PLCL2: variants seen among roughly 807,000 people sequenced by gnomAD.
The protein encoded by PLCL2 is phospholipase C like 2, also known as inactive phospholipase C-like protein 2.
PLCL2 carries 4 observed loss-of-function variants against 79.6 expected under a neutral mutation model. The observed-to-expected ratio is 0.05, with a 90% CI of 0.02 to 0.11. The LOEUF (loss-of-function observed/expected upper bound fraction) is 0.11, where lower values mean the gene tolerates loss of function less well. PLCL2 is among the 10% of genes least tolerant of loss of function. PLCL2 has a pLI of 1.00. For missense variants in PLCL2, 895 were observed against 1,291.0 expected (o/e 0.69, Z 4.70); for synonymous variants, 484 against 457.7 (o/e 1.06, Z -0.73).
chr3:16,970,601 G>A (rs1200616728), intron 1 of PLCL2, among the ~76,000 whole-genome samples: 1 of 148,898 alleles, frequency 6.7e-6, no homozygotes, highest in African/African-American at 2.5e-5. Flanking sequence ...TGGGTCAAAT[G>A]GTATTTCTAG....
intron 1 of PLCL2, among the ~76,000 whole-genome samples, chr3:16,939,893 G>C (rs73037014): frequency 1.3e-5 from 2 of 152,132 alleles, no homozygotes; most frequent in East Asian, 3.9e-4. Context: ...TTTCCTTCCG[G>C]GCATTGGGGG....
At chr3:16,943,579 A>G (rs1012387222) in intron 1 of PLCL2, among the ~76,000 whole-genome samples, 2 of 152,206 alleles carry the variant, frequency 1.3e-5, no homozygotes, top group South Asian at 2.1e-4. Context: ...AAAATTACCT[A>G]CTTTCTTATG....
At position 16,885,066 on chromosome 3, in the gene PLCL2, C is replaced by G; in HGVS notation, c.27C>G (p.Ala9=). Residue 9 remains alanine (A), a synonymous_variant, in exon 1 of 6, where the codon GCC becomes GCG. Coordinates refer to ENST00000615277, the MANE Select transcript of PLCL2 (RefSeq NM_001144382.2). MAECGRGG[A]AGGALPTSPG... is the part of the protein sequence containing the mutation. The stretch of plus-strand genomic sequence containing the variant: ...TGGCGGAGTGCGGCCGGGGGGGCGC[C>G]GCCGGCGGGGCCCTGCCCACCTCCC... 7.9e-6 allele frequency: 3 copies of G among 379,712 alleles called. No individual in the cohort carries two copies. Among genetic ancestry groups the G allele is most frequent in the Non-Finnish European group, 1.4e-5 (3 of 214,376 alleles). The allele number at this position is 379,712 out of a possible 1,614,324, so 23.5% of individuals were successfully genotyped here.
intron 3 of PLCL2, among the ~76,000 whole-genome samples, chr3:17,019,476 T>A (rs2064423921): frequency 6.6e-6 from 1 of 152,186 alleles, no homozygotes; most frequent in Non-Finnish European, 1.5e-5. Flanking sequence ...CTGTCCAATT[T>A]TTTTCTGCAA....
intron 1 of PLCL2, among the ~76,000 whole-genome samples, chr3:16,942,440 G>T (rs1213532383): frequency 6.6e-6 from 1 of 152,116 alleles, no homozygotes; most frequent in Non-Finnish European, 1.5e-5. Context: ...CTGCTGGCAG[G>T]CTAGAAAACA....
intron 4 of PLCL2, among the ~76,000 whole-genome samples, chr3:17,059,365 C>T (rs547642175): frequency 2.6e-4 from 31 of 121,228 alleles, no homozygotes; most frequent in African/African-American, 7.7e-4. Flanking sequence ...GGTGACAGAG[C>T]GAGAATCTGT....
intron 1 of PLCL2, among the ~76,000 whole-genome samples, chr3:16,964,776 A>G (rs375450441): frequency 7.9e-5 from 12 of 151,986 alleles, no homozygotes; most frequent in Admixed American, 3.3e-4. Context: ...GCCAGTGATG[A>G]TGAGCATTTT....
intron 1 of PLCL2, among the ~76,000 whole-genome samples, chr3:16,912,057 A>C (rs944700763): frequency 5.9e-5 from 9 of 152,162 alleles, no homozygotes; most frequent in East Asian, 1.9e-4. Flanking sequence ...CCAAAATCCC[A>C]AAAAAATCTG....
At chr3:17,021,965 G>A (rs1485611068) in intron 3 of PLCL2, among the ~76,000 whole-genome samples, 2 of 152,186 alleles carry the variant, frequency 1.3e-5, no homozygotes, top group African/African-American at 2.4e-5. Context: ...CCGGCTGTTA[G>A]CATCACTTCA....
chr3:17,021,016 C>T (rs952004201), intron 3 of PLCL2, among the ~76,000 whole-genome samples: 3 of 152,136 alleles, frequency 2.0e-5, no homozygotes, highest in African/African-American at 7.2e-5. Flanking sequence ...TCCCCATCTC[C>T]TTTGTGGCTT....
At chr3:17,014,984 T>G (rs759916460) in intron 3 of PLCL2, 73 bp downstream of exon 3, 2 of 1,252,350 alleles carry the variant, frequency 1.6e-6, no homozygotes, top group Non-Finnish European at 2.3e-6. Flanking sequence ...AGACATACTT[T>G]GGAGCTTTTG....
chr3:16,918,812 C>G (rs1168179564), intron 1 of PLCL2, among the ~76,000 whole-genome samples: 4 of 152,110 alleles, frequency 2.6e-5, no homozygotes, highest in Non-Finnish European at 5.9e-5. Flanking sequence ...TTTGTGCTCA[C>G]ATAGCACTGG....
At chr3:16,995,386 T>G (rs1339848831) in intron 1 of PLCL2, among the ~76,000 whole-genome samples, 3 of 152,174 alleles carry the variant, frequency 2.0e-5, no homozygotes, top group Non-Finnish European at 2.9e-5. Flanking sequence ...TTGTACAAAT[T>G]TGTATTTGTT....
chr3:17,072,601 G>A (rs936146462), intron 5 of PLCL2, among the ~76,000 whole-genome samples: 8 of 151,366 alleles, frequency 5.3e-5, no homozygotes, highest in African/African-American at 9.7e-5. Flanking sequence ...CCCAGGAGGC[G>A]GAGGTTGCAG....
intron 5 of PLCL2, among the ~76,000 whole-genome samples, chr3:17,089,457 G>T (rs1462822881): frequency 1.3e-5 from 2 of 152,078 alleles, no homozygotes; most frequent in Admixed American, 6.5e-5. Context: ...TTTTAACCAG[G>T]ATAGACAGGA....
At position 17,009,353 on chromosome 3, in the gene PLCL2, C is replaced by T. The variant is rs1575584399; in HGVS notation, c.328-321C>T. On this transcript the variant is annotated intron_variant, in intron 1 of 5. Coordinates refer to ENST00000615277, the MANE Select transcript of PLCL2 (RefSeq NM_001144382.2). This position sits in a 1 kb window ranked among gnomAD's most constrained non-coding sequence, Gnocchi z 4.0. ...CCCAGGTTGGTCTCAAACTCCTCAC[C>T]TCAAGCAATCCTCCTGCCTTAGCCT... 6.6e-6 allele frequency among the ~76,000 whole-genome samples: 1 copy of T among 152,092 alleles called. No individual in the cohort carries two copies. Among genetic ancestry groups the T allele is most frequent in the East Asian group, 1.9e-4 (1 of 5,150 alleles).
At position 16,980,976 on chromosome 3, in the gene PLCL2, A is replaced by C. The variant is rs531882838; in HGVS notation, c.328-28698A>C. Among the ~76,000 whole-genome samples the C allele has an allele frequency of 1.1e-4, 17 of 152,350 alleles. No individual in the cohort carries two copies. The East Asian group carries it at 3.3e-3, about 29-fold the overall frequency. On this transcript the variant is annotated intron_variant, in intron 1 of 5. Transcript: ENST00000615277. ...CAGCGAAACCTCGTCTCCACCAAAA[A>C]AATACGAAAACCAGTCAAGCGTGGT...
At chr3:17,053,839 A>T (rs912894213) in intron 4 of PLCL2, among the ~76,000 whole-genome samples, 2 of 152,170 alleles carry the variant, frequency 1.3e-5, no homozygotes, top group Non-Finnish European at 2.9e-5. Context: ...CCTAGGCCTC[A>T]GGTCTGTGAT....
At chr3:16,965,948 A>G (rs2063802245) in intron 1 of PLCL2, among the ~76,000 whole-genome samples, 1 of 151,392 alleles carries the variant, frequency 6.6e-6, no homozygotes, top group Admixed American at 6.6e-5. Flanking sequence ...TTCTAAATAC[A>G]CATGTCATCT....
Sources: gnomAD v4.1 joint callset for allele counts (sites outside exome capture counted in the v4.1 genomes callset) on GRCh38, gnomAD v4.1.1 for gene constraint, Gnocchi (gnomAD v3.1) non-coding constraint, MANE v1.5 for transcripts, NCBI Gene and HGNC (gene_info 2026-07-23, HGNC 2026-07-21) for gene names.